The following KCNB2 variants were observed in gnomAD, a reference collection of about 807,000 sequenced individuals.
The protein encoded by KCNB2 is potassium voltage-gated channel subfamily B member 2, also known as delayed rectifier potassium channel protein.
A neutral mutation model predicts 61.5 loss-of-function variants in KCNB2; 15 were observed. That is an observed-to-expected ratio of 0.24 (90% confidence interval 0.16 to 0.38). The LOEUF (loss-of-function observed/expected upper bound fraction) is 0.38, where lower values mean the gene tolerates loss of function less well. Ranked by LOEUF, KCNB2 falls within the 10% of genes least tolerant of loss-of-function variation. The pLI is 1.00. For missense variants in KCNB2, 828 were observed against 1,125.2 expected, an observed-to-expected ratio of 0.74 and a Z score of 3.78; for synonymous variants, 457 against 446.0, an observed-to-expected ratio of 1.02 and a Z score of -0.31.
chr8:72,667,453 CT>C (rs528521574), intron 2 of KCNB2, among the ~76,000 whole-genome samples: 42 of 151,512 alleles, frequency 2.8e-4, no homozygotes, highest in African/African-American at 9.7e-4. Flanking sequence ...AATTTGAATT[CT>C]TTTTTTTTAT....
intron 2 of KCNB2, among the ~76,000 whole-genome samples, chr8:72,752,731 A>T (rs1160879822): frequency 6.6e-6 from 1 of 152,192 alleles, no homozygotes; most frequent in Non-Finnish European, 1.5e-5. Context: ...ATCGATATAG[A>T]TATATTTCCC....
intron 2 of KCNB2, among the ~76,000 whole-genome samples, chr8:72,742,536 G>A (rs796646503): frequency 2.2e-4 from 33 of 152,278 alleles, no homozygotes; most frequent in African/African-American, 7.7e-4. Context: ...AGAATACGCT[G>A]GCCTGCTGCC....
intron 1 of KCNB2, among the ~76,000 whole-genome samples, chr8:72,561,691 TTA>T (rs1172254677): frequency 0.25 from 4,712 of 19,202 alleles, 257 homozygotes; most frequent in Non-Finnish European, 0.28. Context: ...GATCTTACTT[TTA>T]TATATATATA....
intron 2 of KCNB2, among the ~76,000 whole-genome samples, chr8:72,904,369 G>T (rs1468163152): frequency 6.6e-6 from 1 of 152,048 alleles, no homozygotes; most frequent in African/African-American, 2.4e-5. Flanking sequence ...TAACACAGGG[G>T]GTAGAAGGAG....
intron 2 of KCNB2, among the ~76,000 whole-genome samples, chr8:72,849,981 TG>T (rs1810065916): frequency 6.6e-6 from 1 of 152,180 alleles, no homozygotes; most frequent in Admixed American, 6.5e-5. Flanking sequence ...TTGTGAGGGC[TG>T]GGACCATATC....
At chr8:72,932,141 A>G (rs957302289) in intron 2 of KCNB2, among the ~76,000 whole-genome samples, 3 of 152,208 alleles carry the variant, frequency 2.0e-5, no homozygotes, top group Non-Finnish European at 4.4e-5. Flanking sequence ...CTCATGGCCC[A>G]ATAATGAAAT....
chr8:72,559,384 A>G (rs1383098875), intron 1 of KCNB2, among the ~76,000 whole-genome samples: 1 of 152,092 alleles, frequency 6.6e-6, no homozygotes, highest in African/African-American at 2.4e-5. Context: ...AGCTCAGGCA[A>G]TCCACCTGCC....
At chr8:72,748,630 TTAAAA>T (rs1808125707) in intron 2 of KCNB2, among the ~76,000 whole-genome samples, 1 of 147,252 alleles carries the variant, frequency 6.8e-6, no homozygotes, top group Non-Finnish European at 1.5e-5. Context: ...TTTTTTGAAA[TTAAAA>T]GCCAAAAACC....
chr8:72,760,631 A>T (rs954247156), intron 2 of KCNB2, among the ~76,000 whole-genome samples: 1 of 152,142 alleles, frequency 6.6e-6, no homozygotes, highest in Non-Finnish European at 1.5e-5. Context: ...AAATTTAAAA[A>T]CTATTGTATG....
Position 72,748,610 on chromosome 8 carries a change from TTG to T in KCNB2, c.579+180299_579+180300del, listed in dbSNP as rs1491567289. ...TGAACTCACTTTGGTTTTTTTTTTG[TTG>T]TTTTTTTTTTTTTGAAATTAAAAGC... On this transcript the variant is annotated intron_variant, in intron 2 of 2. Transcript: ENST00000523207. Among the ~76,000 whole-genome samples, 69 of 98,932 alleles carry T rather than the reference TTG, an allele frequency of 7.0e-4. 1 individual carries two copies. The highest frequency in any genetic ancestry group is 5.4e-3 in the Middle Eastern group (1 of 184). The allele number at this position is 98,932 out of a possible 152,430, so 64.9% of individuals were successfully genotyped here. A position where few individuals can be genotyped will look rare whatever the true frequency, so the allele number is the denominator to read the frequency against.
intron 2 of KCNB2, among the ~76,000 whole-genome samples, chr8:72,844,749 T>C (rs907748664): frequency 6.6e-6 from 1 of 152,244 alleles, no homozygotes; most frequent in African/African-American, 2.4e-5. Flanking sequence ...TGCTTGTGTA[T>C]GCTTCATGAA....
intron 2 of KCNB2, among the ~76,000 whole-genome samples, chr8:72,746,068 A>G (rs929498431): frequency 6.6e-6 from 1 of 152,206 alleles, no homozygotes; most frequent in African/African-American, 2.4e-5. Context: ...AGGTTGCTTG[A>G]GTATTGCAGA....
At chr8:72,811,733 C>T (rs1809309454) in intron 2 of KCNB2, among the ~76,000 whole-genome samples, 1 of 152,154 alleles carries the variant, frequency 6.6e-6, no homozygotes, top group African/African-American at 2.4e-5. Context: ...GCACAGCCTC[C>T]TGTCCAAAGC....
chr8:72,736,438 C>T (rs578103479), intron 2 of KCNB2, among the ~76,000 whole-genome samples: 1 of 152,214 alleles, frequency 6.6e-6, no homozygotes, highest in African/African-American at 2.4e-5. Context: ...ACAAGATAAT[C>T]AGTTTCCAAG....
chr8:72,612,816 A>AT (rs994864997), intron 2 of KCNB2, among the ~76,000 whole-genome samples: 2 of 152,220 alleles, frequency 1.3e-5, no homozygotes, highest in East Asian at 1.9e-4. Context: ...CTTGCTAAGA[A>AT]TTATTTTTTT....
At chr8:72,710,017 C>G (rs1807299838) in intron 2 of KCNB2, among the ~76,000 whole-genome samples, 1 of 152,148 alleles carries the variant, frequency 6.6e-6, no homozygotes, top group South Asian at 2.1e-4. Flanking sequence ...GTAACCCATA[C>G]CCCAGGTGTC....
intron 2 of KCNB2, among the ~76,000 whole-genome samples, chr8:72,766,440 G>C (rs1308275399): frequency 6.6e-6 from 1 of 152,132 alleles, no homozygotes; most frequent in Non-Finnish European, 1.5e-5. Context: ...ACACAGCCAA[G>C]AAATACTGGG....
At chr8:72,826,281 T>A (rs1809594477) in intron 2 of KCNB2, among the ~76,000 whole-genome samples, 2 of 152,222 alleles carry the variant, frequency 1.3e-5, no homozygotes, top group African/African-American at 4.8e-5. Flanking sequence ...AAGTAGGAAC[T>A]GCCGATTATC....
chr8:72,730,402 C>G (rs551786017), intron 2 of KCNB2, among the ~76,000 whole-genome samples: 150 of 152,216 alleles, frequency 9.9e-4, no homozygotes, highest in African/African-American at 3.3e-3. Context: ...CAATTGAATA[C>G]TAAAATCATA....
Sources: gnomAD v4.1 joint callset for allele counts (sites outside exome capture counted in the v4.1 genomes callset) on GRCh38, gnomAD v4.1.1 for gene constraint, MANE v1.5 for transcripts, NCBI Gene and HGNC (gene_info 2026-07-23, HGNC 2026-07-21) for gene names.